The following DIXDC1 variants were observed in gnomAD, a reference collection of about 807,000 sequenced individuals.
The protein encoded by DIXDC1 is dixin.
A neutral mutation model predicts 103.1 loss-of-function variants in DIXDC1; 64 were observed. That is an observed-to-expected ratio of 0.62 (90% CI 0.51 to 0.76). DIXDC1 has a LOEUF of 0.76. Among genes scored for constraint, DIXDC1 ranks in the 30% least tolerant of loss-of-function variants. The pLI is 0.00. For synonymous variants in DIXDC1, 266 were observed against 298.5 expected, an observed-to-expected ratio of 0.89 and a Z score of 1.12; for missense variants, 759 against 834.2, an observed-to-expected ratio of 0.91 and a Z score of 1.11.
intron 1 of DIXDC1, among the ~76,000 whole-genome samples, chr11:111,954,955 T>A (rs73560076): frequency 0.025 from 3,761 of 152,148 alleles, 163 homozygotes; most frequent in African/African-American, 0.086. Context: ...ATTCCATACA[T>A]TCATATATAT....
Position 112,017,648 on chromosome 11 carries a change from G to A in DIXDC1, c.1863-129G>A, listed in dbSNP as rs782804121. On this transcript the variant is annotated intron_variant, in intron 18 of 19. Coordinates refer to ENST00000440460, the MANE Select transcript of DIXDC1 (RefSeq NM_001037954.4). This position sits in a 1 kb window ranked among gnomAD's most constrained non-coding sequence, Gnocchi z 4.0. ...TGCTGTTTTAGTCATCTGGGTTATC[G>A]GGGCAGTGACCTAACAAGGGGCTAT... 5 of 627,008 alleles carry A rather than the reference G, an allele frequency of 8.0e-6. No individual in the cohort carries two copies. The highest frequency in any genetic ancestry group is 1.8e-5 in the African/African-American group (1 of 54,436). The allele number at this position is 627,008 out of a possible 1,614,324, so 38.8% of individuals were successfully genotyped here.
intron 1 of DIXDC1, among the ~76,000 whole-genome samples, chr11:111,949,608 T>C (rs1966709345): frequency 6.6e-6 from 1 of 152,246 alleles, no homozygotes; most frequent in South Asian, 2.1e-4. Context: ...TCACACAGTT[T>C]CACTCTCCTG....
intron 1 of DIXDC1, chr11:111,946,732 T>G (rs1966610690): frequency 2.2e-6 from 1 of 448,152 alleles, no homozygotes; most frequent in African/African-American, 2.0e-5. Context: ...AGGAACTCAT[T>G]GAAGTCGGCC....
intron 12 of DIXDC1, 46 bp downstream of exon 12, chr11:111,993,050 T>C (rs1200372556): frequency 1.3e-6 from 2 of 1,555,316 alleles, no homozygotes; most frequent in Non-Finnish European, 1.7e-6. Flanking sequence ...TGACTTTTCA[T>C]GAACAGCCCG....
At chr11:111,932,435 A>G (rs958587829), upstream of DIXDC1, among the ~76,000 whole-genome samples, 5 of 151,762 alleles carry the variant, frequency 3.3e-5, no homozygotes, top group Non-Finnish European at 7.4e-5. Context: ...TCATGTAGAA[A>G]ATTAGCCGGG....
chr11:111,995,073 G>A lies in DIXDC1; in HGVS notation c.1492G>A (p.Ala498Thr). The A allele has an allele frequency of 6.2e-7, 1 of 1,613,650 alleles. No homozygotes were observed. Among genetic ancestry groups the A allele is most frequent in the Non-Finnish European group, 8.5e-7 (1 of 1,179,892 alleles). Residue 498 changes from alanine (A) to threonine (T), a missense_variant, in exon 15 of 20, where the codon GCA becomes ACA. Transcript: ENST00000440460. ...SQSNGFLLPT[A>T]GKGATSVSNR... is the part of the protein sequence containing the mutation. ...AAGCAATGGTTTTCTCCTTCCAACGGCAGGAAAAGGAGCTACTTCAGTCAG... is the reference window on the plus strand; with the variant it reads ...AAGCAATGGTTTTCTCCTTCCAACGACAGGAAAAGGAGCTACTTCAGTCAG...
chr11:111,992,889 T>C (rs782635766), intron 11 of DIXDC1, 62 bp from the exon 12 acceptor site: 2 of 1,527,156 alleles, frequency 1.3e-6, no homozygotes, highest in Non-Finnish European at 1.8e-6. Flanking sequence ...ACTAAGTAGC[T>C]GGTTTCCTTG....
rs1860151263 is a variant in DIXDC1 at position 111,977,565 on chromosome 11, G to C, written c.656+2582G>C. On this transcript the variant is annotated intron_variant, in intron 5 of 19. Coordinates refer to ENST00000440460, the MANE Select transcript of DIXDC1 (RefSeq NM_001037954.4). The surrounding 1 kb of genome is among the most constrained non-coding windows in gnomAD (Gnocchi z 6.1). ...GCGCTTCAGAGCCTGGAGCATCCCA[G>C]TCGCTGGGGCCGAGACGCCGCCGCC... The C allele has an allele frequency of 6.7e-7, 1 of 1,486,496 alleles. No homozygotes were observed. The highest frequency in any genetic ancestry group is 1.4e-5 in the African/African-American group (1 of 70,596). 92.1% of individuals were successfully genotyped at this position (1,486,496 alleles called of 1,614,324 possible). A position where few individuals can be genotyped will look rare whatever the true frequency, so the allele number is the denominator to read the frequency against.
chr11:111,981,442 C>G (rs531227), intron 6 of DIXDC1, among the ~76,000 whole-genome samples: 152,354 of 152,356 alleles, frequency 1, 76,176 homozygotes, highest in Middle Eastern at 1. Context: ...TAATGAAACA[C>G]AGGCCCTCAG....
At chr11:111,972,285 C>G (rs1174810904) in intron 3 of DIXDC1, among the ~76,000 whole-genome samples, 1 of 152,156 alleles carries the variant, frequency 6.6e-6, no homozygotes, top group Non-Finnish European at 1.5e-5. Context: ...TCTTTTATTT[C>G]TAGGGCAAAA....
chr11:111,941,401 G>T (rs1194251485), intron 1 of DIXDC1, among the ~76,000 whole-genome samples: 1 of 152,224 alleles, frequency 6.6e-6, no homozygotes, highest in East Asian at 1.9e-4. Context: ...GAAATCACTT[G>T]TCCGAACCTT....
At chr11:111,929,358 C>A (rs1281273182) in intron 1 of DIXDC1, among the ~76,000 whole-genome samples, 2 of 152,218 alleles carry the variant, frequency 1.3e-5, no homozygotes, top group East Asian at 3.9e-4. Context: ...TGTTGCTTGA[C>A]TAACGATAGG....
chr11:112,017,956 A>C lies in DIXDC1; in HGVS notation c.1971+71A>C. On this transcript the variant is annotated intron_variant, in intron 19 of 19. Coordinates refer to ENST00000440460, the MANE Select transcript of DIXDC1 (RefSeq NM_001037954.4). This position sits in a 1 kb window ranked among gnomAD's most constrained non-coding sequence, Gnocchi z 4.0. ...GAACCCTGAAGCCTCCTGTTCAAGC[A>C]CTAGTGTCCAGAAGTACATGAGTTC... The C allele has an allele frequency of 7.9e-7, 1 of 1,259,870 alleles. No individual in the cohort carries two copies. The highest frequency in any genetic ancestry group is 1.1e-6 in the Non-Finnish European group (1 of 892,234). 78.0% of individuals were successfully genotyped at this position (1,259,870 alleles called of 1,614,324 possible).
At chr11:111,985,828 G>C (rs1860470420) in intron 8 of DIXDC1, among the ~76,000 whole-genome samples, 1 of 152,004 alleles carries the variant, frequency 6.6e-6, no homozygotes, top group Non-Finnish European at 1.5e-5. Context: ...ATCTCCACTT[G>C]TAAGTCCCAT....
At chr11:111,943,721 C>T (rs1001515616) in intron 1 of DIXDC1, among the ~76,000 whole-genome samples, 16 of 151,660 alleles carry the variant, frequency 1.1e-4, no homozygotes, top group African/African-American at 3.9e-4. Context: ...AGGATGGTCT[C>T]GATCTCCTGA....
chr11:112,005,609 GATC>G (rs1208980374), intron 17 of DIXDC1, among the ~76,000 whole-genome samples: 1 of 152,104 alleles, frequency 6.6e-6, no homozygotes, highest in Non-Finnish European at 1.5e-5. Flanking sequence ...GAGGCAGGAG[GATC>G]ACTTGAGTCT....
chr11:111,931,065 G>A (rs1965999418), intron 2 of DIXDC1, among the ~76,000 whole-genome samples: 1 of 151,748 alleles, frequency 6.6e-6, no homozygotes, highest in African/African-American at 2.4e-5. Flanking sequence ...TGTTGATCAG[G>A]CTGGTCTCGA....
At position 112,016,685 on chromosome 11, in the gene DIXDC1, T is replaced by C. The variant is rs782805202; in HGVS notation, c.1757-6T>C. 5.0e-6 allele frequency: 8 copies of C among 1,589,924 alleles called. No homozygotes were observed. Among genetic ancestry groups the C allele is most frequent in the South Asian group, 1.1e-5 (1 of 87,476 alleles). ...TGTTCTAACCACAGTCTCTTTCTGA[T>C]TGTAGAGTTGCCTCACTCACAGAGC... On this transcript the variant is annotated splice_region_variant and splice_polypyrimidine_tract_variant and intron_variant, in intron 17 of 19. Coordinates refer to ENST00000440460, the MANE Select transcript of DIXDC1 (RefSeq NM_001037954.4).
chr11:111,949,383 A>G (rs1555169658), intron 1 of DIXDC1, among the ~76,000 whole-genome samples: 2 of 152,240 alleles, frequency 1.3e-5, no homozygotes, highest in Middle Eastern at 3.4e-3. Flanking sequence ...TTAAAGCATC[A>G]CCAGCCAGCC....
Sources: allele counts gnomAD v4.1 joint callset (sites outside exome capture counted in the v4.1 genomes callset), GRCh38; gene constraint gnomAD v4.1.1; non-coding constraint Gnocchi (gnomAD v3.1); transcripts MANE v1.5; gene names NCBI Gene and HGNC (gene_info 2026-07-23, HGNC 2026-07-21).